FOXP2: variants seen among roughly 807,000 people sequenced by gnomAD.
FOXP2 encodes forkhead box protein P2.
In FOXP2, 12 loss-of-function variants were observed where a neutral mutation model predicts 115.8. That is an observed-to-expected ratio of 0.10 (90% confidence interval 0.07 to 0.17). FOXP2 has a LOEUF of 0.17. Among genes scored for constraint, FOXP2 ranks in the 10% least tolerant of loss-of-function variants. The probability of loss-of-function intolerance (pLI) is 1.00; values close to 1 mark genes in which losing one functional copy is unlikely to be tolerated. For missense variants in FOXP2, 629 were observed against 843.5 expected (o/e 0.75, Z 3.15); for synonymous variants, 328 against 297.7 (o/e 1.10, Z -1.05).
At chr7:114,527,090 T>C (rs1798918370) in intron 2 of FOXP2, among the ~76,000 whole-genome samples, 1 of 152,050 alleles carries the variant, frequency 6.6e-6, no homozygotes, top group Non-Finnish European at 1.5e-5. Flanking sequence ...ACTTTTTTTA[T>C]TTAGCATAAT....
At chr7:114,311,217 A>ATCCT in intron 2 of FOXP2, among the ~76,000 whole-genome samples, 1 of 152,206 alleles carries the variant, frequency 6.6e-6, no homozygotes, top group East Asian at 1.9e-4. Flanking sequence ...GTTGGGCAGG[A>ATCCT]GCCTCTCTTT....
chr7:114,248,127 T>G (rs1799248), intron 1 of FOXP2, among the ~76,000 whole-genome samples: 6 of 151,498 alleles, frequency 4.0e-5, no homozygotes, highest in Non-Finnish European at 5.9e-5. Flanking sequence ...TCCAATGGTA[T>G]AAGTTCAGTC....
chr7:114,320,370 C>T (rs1387576237), intron 2 of FOXP2, among the ~76,000 whole-genome samples: 1 of 152,212 alleles, frequency 6.6e-6, no homozygotes, highest in Non-Finnish European at 1.5e-5. Context: ...AGCCCTACCA[C>T]CTCTGTGTTC....
intron 2 of FOXP2, among the ~76,000 whole-genome samples, chr7:114,289,271 T>A (rs1796537326): frequency 6.6e-6 from 1 of 151,898 alleles, no homozygotes; most frequent in African/African-American, 2.4e-5. Flanking sequence ...TCTTAATTTA[T>A]GATGTAAGTA....
chr7:114,684,054 C>T lies in FOXP2; in HGVS notation c.2004-5728C>T, dbSNP rs1255346715. On this transcript the variant is annotated intron_variant, in intron 16 of 16. Coordinates refer to ENST00000350908, the MANE Select transcript of FOXP2 (RefSeq NM_014491.4). ...CTTTTAAAAAATTTTTCTTTATGTGCTTTTTTTAGAGACAGGGTCTTGCTT... is the reference window on the plus strand; with the variant it reads ...CTTTTAAAAAATTTTTCTTTATGTGTTTTTTTTAGAGACAGGGTCTTGCTT... 3.3e-5 allele frequency among the ~76,000 whole-genome samples: 5 copies of T among 151,984 alleles called. No homozygotes were observed. In the East Asian group the frequency reaches 5.8e-4, roughly 18 times the overall value.
In FOXP2 at chr7:114,692,339, A is replaced by T. The variant is rs1430663195; in HGVS notation, c.*2413A>T. 1 of 453,948 alleles carries T rather than the reference A, an allele frequency of 2.2e-6. No homozygotes were observed. The highest frequency in any genetic ancestry group is 2.4e-5 in the Admixed American group (1 of 42,548). 28.1% of individuals were successfully genotyped at this position (453,948 alleles called of 1,614,324 possible). On this transcript the variant is annotated 3_prime_UTR_variant, in exon 17 of 17. Coordinates refer to ENST00000350908, the MANE Select transcript of FOXP2 (RefSeq NM_014491.4). ...CTGTAGAGTTTTGCATGGGTTTTAT[A>T]TGAATACAATTTTAAAAAATAGCTG...
rs763450691 is a variant in FOXP2 at position 114,155,600 on chromosome 7, G to T, written c.-246-7344G>T. ...TAGCAAGGAATCTGGCACCATTTTA[G>T]GTCTGATAATGTTAGCAGTGGAAAG... On this transcript the variant is annotated intron_variant, in intron 1 of 19. Coordinates refer to the FOXP2 transcript ENST00000635638. Among the ~76,000 whole-genome samples the T allele has an allele frequency of 2.5e-4, 38 of 152,142 alleles. No individual in the cohort carries two copies. The Middle Eastern group carries it at 0.014, about 54-fold the overall frequency.
intron 1 of FOXP2, among the ~76,000 whole-genome samples, chr7:114,274,738 C>T (rs1796145559): frequency 6.6e-6 from 1 of 150,666 alleles, no homozygotes; most frequent in Non-Finnish European, 1.5e-5. Flanking sequence ...ATTTCAACCA[C>T]CCAGGTAGCT....
chr7:114,454,296 A>G (rs867919992), intron 2 of FOXP2, among the ~76,000 whole-genome samples: 3,669 of 152,296 alleles, frequency 0.024, 139 homozygotes, highest in African/African-American at 0.082. Flanking sequence ...CATCAGAGAA[A>G]TGCAAATCAA....
chr7:114,632,170 T>C (rs555841586), intron 6 of FOXP2, among the ~76,000 whole-genome samples: 3 of 152,344 alleles, frequency 2.0e-5, no homozygotes, highest in South Asian at 4.1e-4. Context: ...TGAATTTCTA[T>C]AGAGCACATT....
At chr7:114,399,853 T>C (rs923243309) in intron 2 of FOXP2, among the ~76,000 whole-genome samples, 4 of 151,404 alleles carry the variant, frequency 2.6e-5, no homozygotes, top group African/African-American at 4.9e-5. Context: ...CATTTTCTTT[T>C]TTTTTTTTTT....
In FOXP2 at chr7:114,415,113, T is replaced by G. The variant is rs1793277732; in HGVS notation, c.-258T>G. On this transcript the variant is annotated 5_prime_UTR_variant, in exon 1 of 17. Transcript: ENST00000350908. ...AACAATCACAGAGCTGCTTGATTTG[T>G]TTTAATTACCAGCACAAAATGCCAT... is the stretch of plus-strand genomic sequence containing the variant. 1 of 454,176 alleles carries G rather than the reference T, an allele frequency of 2.2e-6. No individual in the cohort carries two copies. Among genetic ancestry groups the G allele is most frequent in the African/African-American group, 2.0e-5 (1 of 49,970 alleles). The allele number at this position is 454,176 out of a possible 1,614,324, so 28.1% of individuals were successfully genotyped here.
At chr7:114,214,292 C>G (rs1353310884) in intron 1 of FOXP2, among the ~76,000 whole-genome samples, 1 of 152,166 alleles carries the variant, frequency 6.6e-6, no homozygotes, top group Non-Finnish European at 1.5e-5. Context: ...CAAGAGCTCA[C>G]AGTCCTACTA....
chr7:114,441,265 T>C (rs1224112079), intron 2 of FOXP2, among the ~76,000 whole-genome samples: 1 of 151,942 alleles, frequency 6.6e-6, no homozygotes, highest in Non-Finnish European at 1.5e-5. Context: ...CTGGCCAACA[T>C]GGTGAAACCT....
chr7:114,529,459 G>A (rs950806636), intron 2 of FOXP2, among the ~76,000 whole-genome samples: 1 of 151,698 alleles, frequency 6.6e-6, no homozygotes, highest in Non-Finnish European at 1.5e-5. Context: ...TGCTTTGTAA[G>A]TAATTACTCT....
At chr7:114,451,328 G>A (rs1373600068) in intron 2 of FOXP2, among the ~76,000 whole-genome samples, 1 of 151,896 alleles carries the variant, frequency 6.6e-6, no homozygotes, top group Non-Finnish European at 1.5e-5. Flanking sequence ...CACATATTTC[G>A]GTGTGAATTT....
At chr7:114,593,003 A>G (rs1802513807) in intron 3 of FOXP2, among the ~76,000 whole-genome samples, 1 of 151,966 alleles carries the variant, frequency 6.6e-6, no homozygotes, top group Non-Finnish European at 1.5e-5. Flanking sequence ...GTATTCACAC[A>G]GTTCCTTGGC....
upstream of FOXP2, chr7:114,086,394 C>G (rs1034489247): frequency 2.5e-5 from 9 of 360,412 alleles, no homozygotes; most frequent in African/African-American, 9.1e-5. Flanking sequence ...TCTAGCCCCG[C>G]GCCACCCGCA....
chr7:114,196,755 T>C (rs1051012889), intron 1 of FOXP2, among the ~76,000 whole-genome samples: 10 of 152,214 alleles, frequency 6.6e-5, no homozygotes, highest in African/African-American at 2.4e-4. Flanking sequence ...CAAGCTCTAC[T>C]TGTGATTCTG....
Sources: gnomAD v4.1 joint callset for allele counts (sites outside exome capture counted in the v4.1 genomes callset) on GRCh38, gnomAD v4.1.1 for gene constraint, MANE v1.5 for transcripts, NCBI Gene and HGNC (gene_info 2026-07-23, HGNC 2026-07-21) for gene names.